The following NRXN2 variants were observed in gnomAD, a reference collection of about 807,000 sequenced individuals.
The protein encoded by NRXN2 is neurexin-2-beta.
Under a neutral mutation model 128.8 loss-of-function variants are expected in NRXN2, and 29 were observed. The observed-to-expected ratio is 0.23, with a 90% CI of 0.17 to 0.31. The LOEUF (loss-of-function observed/expected upper bound fraction) is 0.31. NRXN2 is among the 10% of genes least tolerant of loss of function. The pLI, the probability that NRXN2 is intolerant of heterozygous loss-of-function variation, is 1.00. For synonymous variants in NRXN2, 1,098 were observed against 1,075.2 expected, an observed-to-expected ratio of 1.02 and a Z score of -0.41; for missense variants, 1,881 against 2,452.6, an observed-to-expected ratio of 0.77 and a Z score of 4.92.
Position 64,623,019 on chromosome 11 carries a change from C to T in NRXN2, c.3907G>A (p.Gly1303Ser). 1 of 1,612,430 alleles carries T rather than the reference C, an allele frequency of 6.2e-7. No individual in the cohort carries two copies. The highest frequency in any genetic ancestry group is 1.7e-4 in the Middle Eastern group (1 of 6,056). The change falls in exon 21 of 23, where the codon GGC becomes AGC. Residue 1303 changes from glycine to serine, a missense_variant. Physicochemically the swap from Gly to Ser is moderately conservative, Grantham distance 56 (BLOSUM62 0). This residue lies in a region of NRXN2 where 108 missense variants were observed against 165.2 expected (regional missense o/e 0.65). Coordinates refer to ENST00000265459, the MANE Select transcript of NRXN2 (RefSeq NM_015080.4). This position sits in a 1 kb window ranked among gnomAD's most constrained non-coding sequence, Gnocchi z 4.9. The stretch of plus-strand genomic sequence containing the variant: ...GACACCTGGCCCTGGAAGGGGCGGC[C>T]CTGATCCCGGCCCCCGATCTTGATG... The part of the protein sequence containing the change: ...AAIKIGGRDQ[G>S]RPFQGQVSGL...
At position 64,622,877 on chromosome 11, in the gene NRXN2, G is replaced by A. The variant is rs151150370; in HGVS notation, c.4049C>T (p.Ala1350Val). Reference protein sequence around the residue: ...VGEGPSVLLSAETTATTLLAD... With the variant: ...VGEGPSVLLSVETTATTLLAD... ...CAGCAGGGTGGTGGCCGTGGTCTCC[G>A]CACTGAGCAGCACGGACGGCCCCTC... The change falls in exon 21 of 23, where the codon GCG becomes GTG. Residue 1350 changes from alanine to valine, a missense_variant. Physicochemically the swap from Ala to Val is moderately conservative, Grantham distance 64. Coordinates refer to ENST00000265459, the MANE Select transcript of NRXN2 (RefSeq NM_015080.4). This position sits in a 1 kb window ranked among gnomAD's most constrained non-coding sequence, Gnocchi z 4.3. 277 of 1,612,520 alleles carry A rather than the reference G, an allele frequency of 1.7e-4. No individual in the cohort carries two copies. The highest frequency in any genetic ancestry group is 2.1e-4 in the Non-Finnish European group (244 of 1,179,820).
chr11:64,722,006 G>A (rs2057445572), intron 1 of NRXN2, among the ~76,000 whole-genome samples: 1 of 152,036 alleles, frequency 6.6e-6, no homozygotes, highest in Non-Finnish European at 1.5e-5. Flanking sequence ...GAGAGTAAAG[G>A]AGACAACAGC....
At position 64,632,849 on chromosome 11, in the gene NRXN2, T is replaced by C. The variant is rs2044121876; in HGVS notation, c.3586-2276A>G. On this transcript the variant is annotated intron_variant, in intron 18 of 22. Transcript: ENST00000265459. This position sits in a 1 kb window ranked among gnomAD's most constrained non-coding sequence, Gnocchi z 4.2. ...AATAATTATGGGAGTCAAAATTAAT[T>C]TGGCAAAGTGGAGCGACGCTTTATT... Among the ~76,000 whole-genome samples the C allele has an allele frequency of 6.6e-6, 1 of 152,230 alleles. No individual in the cohort carries two copies. Among genetic ancestry groups the C allele is most frequent in the African/African-American group, 2.4e-5 (1 of 41,452 alleles).
Position 64,630,393 on chromosome 11 carries a change from G to A in NRXN2, c.3757+9C>T, listed in dbSNP as rs376552947. ...CACCGCGCCTCCTCCGCGGGCCCGC[G>A]CCGCCTACCTGCCGGGTACCGCTCG... On this transcript the variant is annotated intron_variant, in intron 19 of 22. Coordinates refer to ENST00000265459, the MANE Select transcript of NRXN2 (RefSeq NM_015080.4). The surrounding 1 kb of genome is among the most constrained non-coding windows in gnomAD (Gnocchi z 4.6). The A allele has an allele frequency of 2.1e-4, 328 of 1,596,314 alleles. 1 individual carries two copies. In the African/African-American group the frequency reaches 2.4e-3, roughly 12 times the overall value.
chr11:64,678,024 C>A (rs762877266), intron 6 of NRXN2, among the ~76,000 whole-genome samples: 1 of 152,070 alleles, frequency 6.6e-6, no homozygotes, highest in Non-Finnish European at 1.5e-5. Flanking sequence ...GTCATGGATG[C>A]CTGCTTTTCC....
chr11:64,712,958 C>T lies in NRXN2; in HGVS notation c.730+12G>A. ...GCGCCCAGGCACCGGGCGGCCGCTC[C>T]CCGGGGCTCACCTTCGCTGCAGAAC... On this transcript the variant is annotated intron_variant, in intron 2 of 22. Coordinates refer to ENST00000265459, the MANE Select transcript of NRXN2 (RefSeq NM_015080.4). The T allele has an allele frequency of 6.6e-7, 1 of 1,504,606 alleles. No homozygotes were observed. Among genetic ancestry groups the T allele is most frequent in the Non-Finnish European group, 8.8e-7 (1 of 1,131,910 alleles). The allele number at this position is 1,504,606 out of a possible 1,614,324, so 93.2% of individuals were successfully genotyped here. A position where few individuals can be genotyped will look rare whatever the true frequency, so the allele number is the denominator to read the frequency against.
rs1233950829 is a variant in NRXN2 at position 64,632,045 on chromosome 11, T to C, written c.3586-1472A>G. On this transcript the variant is annotated intron_variant, in intron 18 of 22. Transcript: ENST00000265459. The surrounding 1 kb of genome is among the most constrained non-coding windows in gnomAD (Gnocchi z 4.2). Reference sequence around the variant, plus strand: ...GGCCTGGACATGTGGAACATTCAGCTGCCACCTCCTTCCTGCATCTAGCAG... The same window carrying C: ...GGCCTGGACATGTGGAACATTCAGCCGCCACCTCCTTCCTGCATCTAGCAG... 6.6e-6 allele frequency among the ~76,000 whole-genome samples: 1 copy of C among 152,214 alleles called. No individual in the cohort carries two copies. Among genetic ancestry groups the C allele is most frequent in the Non-Finnish European group, 1.5e-5 (1 of 68,028 alleles).
chr11:64,704,468 T>C (rs2055933182), intron 2 of NRXN2, among the ~76,000 whole-genome samples: 1 of 151,888 alleles, frequency 6.6e-6, no homozygotes, highest in Admixed American at 6.6e-5. Flanking sequence ...TAAAGCTACT[T>C]CTACAAAAAC....
chr11:64,625,181 C>CA (rs1330609010), intron 20 of NRXN2, among the ~76,000 whole-genome samples: 1 of 152,236 alleles, frequency 6.6e-6, no homozygotes, highest in African/African-American at 2.4e-5. Flanking sequence ...CCCCACCCCC[C>CA]AACAGGGCCT....
chr11:64,608,034 G>T lies in NRXN2; in HGVS notation c.4301C>A (p.Pro1434His). 3 of 1,571,430 alleles carry T rather than the reference G, an allele frequency of 1.9e-6. No homozygotes were observed. The highest frequency in any genetic ancestry group is 1.7e-6 in the Non-Finnish European group (2 of 1,164,414). ...PIITEDSLDPPPVATRSPFVP... is the reference protein window; with the variant it reads ...PIITEDSLDPHPVATRSPFVP... ...GAAGGGGGATCGGGTGGCCACGGGAGGGGGGTCTAAGGAGTCCTCCGTGAT... is the reference window on the plus strand; with the variant it reads ...GAAGGGGGATCGGGTGGCCACGGGATGGGGGTCTAAGGAGTCCTCCGTGAT... Residue 1434 changes from proline (P) to histidine (H), a missense_variant, in exon 23 of 23, where the codon CCT becomes CAT. By Grantham distance (77) the Pro-to-His change is moderately conservative (BLOSUM62 -2). This residue lies in a region of NRXN2 where 310 missense variants were observed against 318.2 expected (regional missense o/e 0.97). Coordinates refer to ENST00000265459, the MANE Select transcript of NRXN2 (RefSeq NM_015080.4).
At position 64,620,230 on chromosome 11, in the gene NRXN2, G is replaced by A; in HGVS notation, c.4252+64C>T. On this transcript the variant is annotated intron_variant, in intron 22 of 22. Transcript: ENST00000265459. The stretch of plus-strand genomic sequence containing the variant: ...GGGCTTGGGCCAGGTGGCAGGGACA[G>A]TCGCCCCCCTCCCAGCAGCATCGCA... 8 of 1,341,522 alleles carry A rather than the reference G, an allele frequency of 6.0e-6. No homozygotes were observed. The South Asian group carries it at 1.0e-4, about 17-fold the overall frequency. 83.1% of individuals were successfully genotyped at this position (1,341,522 alleles called of 1,614,324 possible).
At chr11:64,688,353 T>C (rs2053356159) in intron 5 of NRXN2, 1 of 985,174 alleles carries the variant, frequency 1.0e-6, no homozygotes, top group Non-Finnish European at 1.2e-6. Context: ...AAAGAGAACC[T>C]GAAAGCCTTC....
At chr11:64,706,403 A>G (rs2056333846) in intron 2 of NRXN2, among the ~76,000 whole-genome samples, 1 of 144,898 alleles carries the variant, frequency 6.9e-6, no homozygotes, top group African/African-American at 2.6e-5. Context: ...ATTCCCACCT[A>G]TGAGTGAGAA....
chr11:64,712,809 C>T (rs961779937), intron 2 of NRXN2, 161 bp downstream of exon 2: 3 of 762,590 alleles, frequency 3.9e-6, no homozygotes, highest in Non-Finnish European at 6.8e-6. Flanking sequence ...CGCCCTCGCC[C>T]GGACACGCGT....
chr11:64,665,561 G>C (rs147345374), intron 9 of NRXN2, among the ~76,000 whole-genome samples: 4 of 152,200 alleles, frequency 2.6e-5, no homozygotes, highest in East Asian at 1.9e-4. Context: ...GACACACCCC[G>C]GGGATGAAAC....
intron 22 of NRXN2, among the ~76,000 whole-genome samples, chr11:64,611,148 AG>A (rs1443881702): frequency 1.3e-5 from 2 of 152,126 alleles, no homozygotes; most frequent in Non-Finnish European, 2.9e-5. Context: ...ATGCTTTTCC[AG>A]GGGAAGGGGA....
At chr11:64,634,759 G>A (rs1217697694) in intron 18 of NRXN2, among the ~76,000 whole-genome samples, 3 of 152,180 alleles carry the variant, frequency 2.0e-5, no homozygotes, top group Admixed American at 6.5e-5. Context: ...CAGAAGTCAA[G>A]GGCAGCATAG....
rs747595094 is a variant in NRXN2 at position 64,685,842 on chromosome 11, C to T, written c.956G>A (p.Arg319His). The change falls in exon 6 of 23, where the codon CGC becomes CAC. Residue 319 changes from arginine to histidine, a missense_variant. This residue lies in a region of NRXN2 where 997 missense variants were observed against 1,240.8 expected (regional missense o/e 0.80). Coordinates refer to ENST00000265459, the MANE Select transcript of NRXN2 (RefSeq NM_015080.4). ...CATCAGGCCGTTGCGTTGCAGGGTG[C>T]GGAAGGCCAGTGTGATCTCATCAGT... Reference protein sequence around the residue: ...SSTDEITLAFRTLQRNGLMLH... With the variant: ...SSTDEITLAFHTLQRNGLMLH... 38 of 1,614,066 alleles carry T rather than the reference C, an allele frequency of 2.4e-5. No individual in the cohort carries two copies. The highest frequency in any genetic ancestry group is 3.1e-5 in the Non-Finnish European group (36 of 1,180,040).
chr11:64,635,575 A>G lies in NRXN2; in HGVS notation c.3404-123T>C, dbSNP rs1295207169. ...CTAGATGTGGGACTTCAGCTGTGAT[A>G]CCCACAGCAGCCACCAGCCCTGCCA... On this transcript the variant is annotated intron_variant, in intron 17 of 22. Transcript: ENST00000265459. The surrounding 1 kb of genome is among the most constrained non-coding windows in gnomAD (Gnocchi z 4.8). 5 of 1,108,234 alleles carry G rather than the reference A, an allele frequency of 4.5e-6. No individual in the cohort carries two copies. The highest frequency in any genetic ancestry group is 1.3e-5 in the South Asian group (1 of 74,738). 68.7% of individuals were successfully genotyped at this position (1,108,234 alleles called of 1,614,324 possible). A position where few individuals can be genotyped will look rare whatever the true frequency, so the allele number is the denominator to read the frequency against.
Sources: allele counts gnomAD v4.1 joint callset (sites outside exome capture counted in the v4.1 genomes callset), GRCh38; gene constraint gnomAD v4.1.1; regional missense constraint gnomAD v4.1.1; non-coding constraint Gnocchi (gnomAD v3.1); transcripts MANE v1.5; gene names NCBI Gene and HGNC (gene_info 2026-07-23, HGNC 2026-07-21).